Variants in MEI4 observed in about 807,000 individuals in gnomAD.
The protein encoded by MEI4 is meiotic double-stranded break formation protein 4.
Under a neutral mutation model 31.4 loss-of-function variants are expected in MEI4, and 27 were observed. The observed-to-expected ratio is 0.86, with a 90% CI of 0.63 to 1.19. The LOEUF (loss-of-function observed/expected upper bound fraction) is 1.19, where lower values mean the gene tolerates loss of function less well. MEI4 is among the 50% of genes most tolerant of loss of function. MEI4 has a pLI of 0.00. For missense variants in MEI4, 329 were observed against 398.9 expected, an observed-to-expected ratio of 0.82 and a Z score of 1.49; for synonymous variants, 122 against 145.4, an observed-to-expected ratio of 0.84 and a Z score of 1.16.
In MEI4 at chr6:77,846,213, C is replaced by T. The variant is rs892494777; in HGVS notation, c.900+17151C>T. ...CTGCAAGCTCTACCTCCCGGGTTCACGCCATTCTCCTGCCTGAATTTCACT... is the reference window on the plus strand; with the variant it reads ...CTGCAAGCTCTACCTCCCGGGTTCATGCCATTCTCCTGCCTGAATTTCACT... On this transcript the variant is annotated intron_variant, in intron 4 of 4. Transcript: ENST00000684080. Among the ~76,000 whole-genome samples the T allele has an allele frequency of 2.0e-5, 3 of 151,878 alleles. No individual in the cohort carries two copies. In the East Asian group the frequency reaches 5.8e-4, roughly 29 times the overall value.
At chr6:77,897,225 C>T (rs1766099793) in intron 4 of MEI4, among the ~76,000 whole-genome samples, 1 of 151,966 alleles carries the variant, frequency 6.6e-6, no homozygotes, top group Non-Finnish European at 1.5e-5. Context: ...GTGTTACTTA[C>T]AAAGTAATAT....
intron 2 of MEI4, among the ~76,000 whole-genome samples, chr6:77,747,441 G>A (rs1767643078): frequency 6.6e-6 from 1 of 152,172 alleles, no homozygotes; most frequent in Non-Finnish European, 1.5e-5. Flanking sequence ...CATGGTAGAA[G>A]GGGACACAGT....
At chr6:77,705,748 G>T (rs934215729) in intron 2 of MEI4, among the ~76,000 whole-genome samples, 6 of 152,094 alleles carry the variant, frequency 3.9e-5, no homozygotes, top group African/African-American at 1.2e-4. Context: ...GTCAGTGGTG[G>T]TTTTTTCACA....
At chr6:77,778,011 A>T (rs532525366) in intron 3 of MEI4, among the ~76,000 whole-genome samples, 2 of 152,222 alleles carry the variant, frequency 1.3e-5, no homozygotes, top group Non-Finnish European at 2.9e-5. Flanking sequence ...AAAATTTACC[A>T]AAATGGAAAA....
rs1766757652 is a variant in MEI4, at chr6:77,923,391, G to A, written c.*45G>A. The A allele has an allele frequency of 8.3e-7, 1 of 1,211,434 alleles. No homozygotes were observed. Among genetic ancestry groups the A allele is most frequent in the Non-Finnish European group, 1.0e-6 (1 of 970,192 alleles). The allele number at this position is 1,211,434 out of a possible 1,614,324, so 75.0% of individuals were successfully genotyped here. On this transcript the variant is annotated 3_prime_UTR_variant, in exon 5 of 5. Transcript: ENST00000684080. ...ACCACGTTTGAAGCATAATAAAGTA[G>A]AATATATGAAAATCTCATACTGAAA...
rs143769558 is a variant in MEI4, at chr6:77,688,488, T to G, written c.-14-2170T>G. Among the ~76,000 whole-genome samples the G allele has an allele frequency of 3.3e-5, 5 of 152,280 alleles. No individual in the cohort carries two copies. The East Asian group carries it at 9.6e-4, about 29-fold the overall frequency. ...TGATCTTTCTTTCTGATAGCTGATA[T>G]TCAGCATGATTTTAAGACTATTAAC... On this transcript the variant is annotated intron_variant, in intron 1 of 4. Coordinates refer to ENST00000684080, the MANE Select transcript of MEI4 (RefSeq NM_001322247.2).
At position 77,671,054 on chromosome 6, in the gene MEI4, G is replaced by T. The variant is rs868309603; in HGVS notation, c.-15+17962G>T. Among the ~76,000 whole-genome samples the T allele has an allele frequency of 2.8e-3, 310 of 110,450 alleles. 1 individual carries two copies. Among genetic ancestry groups the T allele is most frequent in the Non-Finnish European group, 4.1e-3 (214 of 52,344 alleles). The allele number at this position is 110,450 out of a possible 152,430, so 72.5% of individuals were successfully genotyped here. A position where few individuals can be genotyped will look rare whatever the true frequency, so the allele number is the denominator to read the frequency against. ...ACAGTTGGCAAATTTGTGAATTGTT[G>T]TTTTTTTTTTTTTTTTTTTTTGAGA... On this transcript the variant is annotated intron_variant, in intron 1 of 4. Transcript: ENST00000684080.
In MEI4 at chr6:77,761,276, C is replaced by G; in HGVS notation, c.379C>G (p.Pro127Ala). The G allele has an allele frequency of 8.1e-7, 1 of 1,232,618 alleles. No individual in the cohort carries two copies. The allele number at this position is 1,232,618 out of a possible 1,614,324, so 76.4% of individuals were successfully genotyped here. Residue 127 changes from proline to alanine, a missense_variant, in exon 3 of 5, where the codon CCC becomes GCC. By Grantham distance (27) the Pro-to-Ala change is conservative (BLOSUM62 -1). Transcript: ENST00000684080. ...LSQHFVESCT[P>A]THFPPLPLVK... ...CCAGCACTTTGTGGAAAGCTGTACC[C>G]CCACTCACTTTCCACCACTGCCTCT... is the stretch of plus-strand genomic sequence containing the variant.
intron 2 of MEI4, among the ~76,000 whole-genome samples, chr6:77,731,089 T>G (rs183810193): frequency 6.6e-6 from 1 of 151,866 alleles, no homozygotes; most frequent in Non-Finnish European, 1.5e-5. Context: ...AATAAACATA[T>G]GTGTGCATGT....
intron 4 of MEI4, among the ~76,000 whole-genome samples, chr6:77,890,420 G>A (rs13210606): frequency 6.6e-6 from 1 of 152,118 alleles, no homozygotes; most frequent in Non-Finnish European, 1.5e-5. Context: ...CTTTGTTTTG[G>A]CCAATTTCTT....
intron 3 of MEI4, among the ~76,000 whole-genome samples, chr6:77,784,410 C>A (rs535336936): frequency 6.6e-6 from 1 of 152,204 alleles, no homozygotes; most frequent in Middle Eastern, 3.4e-3. Context: ...GCTGTTTCGG[C>A]AAATGTTGGG....
chr6:77,838,078 TCA>T, intron 4 of MEI4, among the ~76,000 whole-genome samples: 1 of 152,256 alleles, frequency 6.6e-6, no homozygotes, highest in South Asian at 2.1e-4. Flanking sequence ...TTATTACTAT[TCA>T]ACAACATATA....
At chr6:77,867,424 C>T (rs1771064944) in intron 4 of MEI4, among the ~76,000 whole-genome samples, 1 of 152,156 alleles carries the variant, frequency 6.6e-6, no homozygotes, top group African/African-American at 2.4e-5. Flanking sequence ...ACAGACACTT[C>T]TCAAAAGAAG....
intron 2 of MEI4, among the ~76,000 whole-genome samples, chr6:77,742,702 G>A (rs1249786182): frequency 6.6e-5 from 10 of 151,612 alleles, no homozygotes; most frequent in East Asian, 3.9e-4. Context: ...GCCCATGCCT[G>A]TGTCCTGAAT....
intron 2 of MEI4, among the ~76,000 whole-genome samples, chr6:77,698,158 G>A (rs1028160613): frequency 6.6e-6 from 1 of 152,108 alleles, no homozygotes; most frequent in Non-Finnish European, 1.5e-5. Flanking sequence ...GCCCATGTGT[G>A]TCTCTGCATG....
chr6:77,738,949 G>T (rs1393652140), intron 2 of MEI4, among the ~76,000 whole-genome samples: 2 of 151,882 alleles, frequency 1.3e-5, no homozygotes, highest in Admixed American at 6.6e-5. Flanking sequence ...TTTTTTTCTT[G>T]TAAATTTAAA....
At chr6:77,716,039 T>C (rs1442423805) in intron 2 of MEI4, among the ~76,000 whole-genome samples, 1 of 152,220 alleles carries the variant, frequency 6.6e-6, no homozygotes, top group East Asian at 1.9e-4. Flanking sequence ...AATATTGTTA[T>C]AAGATTCTTT....
At chr6:77,736,305 C>T (rs533190193) in intron 2 of MEI4, among the ~76,000 whole-genome samples, 29 of 152,028 alleles carry the variant, frequency 1.9e-4, no homozygotes, top group African/African-American at 7.0e-4. Flanking sequence ...GGCGTATTAC[C>T]CTCCGAGCCA....
At chr6:77,682,856 A>G (rs982944418) in intron 1 of MEI4, among the ~76,000 whole-genome samples, 1 of 152,140 alleles carries the variant, frequency 6.6e-6, no homozygotes, top group Non-Finnish European at 1.5e-5. Flanking sequence ...ATTCAGAGGA[A>G]GGGATATGGA....
Sources: allele counts gnomAD v4.1 joint callset (sites outside exome capture counted in the v4.1 genomes callset), GRCh38; gene constraint gnomAD v4.1.1; transcripts MANE v1.5; gene names NCBI Gene and HGNC (gene_info 2026-07-23, HGNC 2026-07-21).